Variants in NAALADL2 observed in about 807,000 individuals in gnomAD.
NAALADL2 encodes the protein N-acetylated alpha-linked acidic dipeptidase like 2, also known as inactive N-acetylated-alpha-linked acidic dipeptidase-like protein 2.
NAALADL2 carries 76 observed loss-of-function variants against 87.2 expected under a neutral mutation model. That is an observed-to-expected ratio of 0.87 (90% CI 0.72 to 1.05). The LOEUF (loss-of-function observed/expected upper bound fraction) is 1.05. NAALADL2 is among the 50% of genes least tolerant of loss of function. The pLI is 0.00. For missense variants in NAALADL2, 1,089 were observed against 945.8 expected (o/e 1.15, Z -1.99); for synonymous variants, 354 against 331.0 (o/e 1.07, Z -0.75).
At chr3:175,060,649 A>G (rs1020758428) in intron 1 of NAALADL2, among the ~76,000 whole-genome samples, 1 of 152,250 alleles carries the variant, frequency 6.6e-6, no homozygotes, top group Non-Finnish European at 1.5e-5. Flanking sequence ...ATTAAAGCCA[A>G]TAGCCGTACT....
intron 13 of NAALADL2, among the ~76,000 whole-genome samples, chr3:175,770,049 A>C (rs563261818): frequency 1.3e-4 from 20 of 152,232 alleles, no homozygotes; most frequent in African/African-American, 4.8e-4. Context: ...AATTTCCTTT[A>C]AAGTCAACTG....
chr3:175,298,470 A>T (rs940419174), intron 4 of NAALADL2, among the ~76,000 whole-genome samples: 1 of 152,156 alleles, frequency 6.6e-6, no homozygotes, highest in Non-Finnish European at 1.5e-5. Context: ...AAACTTTGAA[A>T]TGAGAATCTC....
rs188901413 is a variant in NAALADL2 at position 175,038,760 on chromosome 3, C to T, written c.44-58030C>T. Among the ~76,000 whole-genome samples, 181 of 151,984 alleles carry T rather than the reference C, an allele frequency of 1.2e-3. 2 individuals are homozygous for T. Among genetic ancestry groups the T allele is most frequent in the Admixed American group, 0.01 (156 of 15,268 alleles). The stretch of plus-strand genomic sequence containing the variant: ...TTTAGCACGTAATATCTAAATTTTA[C>T]GTGCTGAGGTGGAAGTGGAATTTTC... On this transcript the variant is annotated intron_variant, in intron 1 of 13. Transcript: ENST00000454872.
Position 175,662,196 on chromosome 3 carries a change from C to T in NAALADL2, c.1896+34810C>T, listed in dbSNP as rs141575844. 5.2e-3 allele frequency among the ~76,000 whole-genome samples: 795 copies of T among 151,770 alleles called. 6 individuals carry two copies. Among genetic ancestry groups the T allele is most frequent in the African/African-American group, 0.018 (759 of 41,458 alleles). The stretch of plus-strand genomic sequence containing the variant: ...CAGTCTTTTACAGTTTTCCTTGCAG[C>T]GATCTTTTATTTCCTTGGTTAGATT... On this transcript the variant is annotated intron_variant, in intron 11 of 13. Coordinates refer to ENST00000454872, the MANE Select transcript of NAALADL2 (RefSeq NM_207015.3).
intron 1 of NAALADL2, among the ~76,000 whole-genome samples, chr3:174,487,466 T>C (rs1298830756): frequency 6.6e-6 from 1 of 151,962 alleles, no homozygotes; most frequent in African/African-American, 2.4e-5. Flanking sequence ...GAAGAGGAGA[T>C]TAGTTGAGTC....
In NAALADL2 at chr3:174,834,324, C is replaced by T. The variant is rs1024690569; in HGVS notation, c.-9+96578C>T. On this transcript the variant is annotated intron_variant, in intron 3 of 3. Transcript: ENST00000434257. ...TGTTTTCTCACTCTGAATATGGGCACCTACATAAACCTAGAGTAAACATCA... is the reference window on the plus strand; with the variant it reads ...TGTTTTCTCACTCTGAATATGGGCATCTACATAAACCTAGAGTAAACATCA... Among the ~76,000 whole-genome samples the T allele has an allele frequency of 1.6e-4, 23 of 147,316 alleles. 1 individual carries two copies. In the East Asian group the frequency reaches 4.4e-3, roughly 28 times the overall value.
chr3:175,770,526 CCTTCT>C (rs1362356600), intron 13 of NAALADL2, among the ~76,000 whole-genome samples: 21 of 152,286 alleles, frequency 1.4e-4, no homozygotes, highest in African/African-American at 4.8e-4. Context: ...ATTTGCCTTG[CCTTCT>C]CTTTCTCATC....
intron 1 of NAALADL2, among the ~76,000 whole-genome samples, chr3:174,452,232 C>A (rs774018133): frequency 2.0e-5 from 3 of 152,168 alleles, no homozygotes; most frequent in Non-Finnish European, 2.9e-5. Flanking sequence ...CAGTTGTAAA[C>A]TGTGCTAGGG....
chr3:175,160,267 A>G (rs2108835337), intron 2 of NAALADL2, among the ~76,000 whole-genome samples: 1 of 150,518 alleles, frequency 6.6e-6, no homozygotes, highest in Non-Finnish European at 1.5e-5. Flanking sequence ...TTTTGTTTAA[A>G]TTTGTTTTAC....
chr3:174,670,232 T>G (rs556387116), intron 2 of NAALADL2, among the ~76,000 whole-genome samples: 2 of 152,108 alleles, frequency 1.3e-5, no homozygotes, highest in African/African-American at 4.8e-5. Flanking sequence ...TTTTATTTCT[T>G]TTTTTCTCCT....
At chr3:174,965,336 G>A (rs9845780) in intron 1 of NAALADL2, among the ~76,000 whole-genome samples, 84,036 of 151,972 alleles carry the variant, frequency 0.55, 24,527 homozygotes, top group African/African-American at 0.7. Context: ...TGATGCTTTT[G>A]ATGACTTATT....
intron 1 of NAALADL2, among the ~76,000 whole-genome samples, chr3:174,965,672 G>GA (rs2108581676): frequency 6.6e-6 from 1 of 152,184 alleles, no homozygotes; most frequent in African/African-American, 2.4e-5. Context: ...AGAGGACATG[G>GA]AGGTCCTCAA....
chr3:174,573,709 C>CT (rs528444700), intron 2 of NAALADL2, among the ~76,000 whole-genome samples: 1 of 151,980 alleles, frequency 6.6e-6, no homozygotes, highest in African/African-American at 2.4e-5. Context: ...AGGTGCCACA[C>CT]TTTTTTTAGC....
chr3:175,472,509 T>C (rs916463836), intron 9 of NAALADL2, among the ~76,000 whole-genome samples: 3 of 152,160 alleles, frequency 2.0e-5, no homozygotes, highest in Non-Finnish European at 4.4e-5. Flanking sequence ...TTAGCCTCAA[T>C]GTCTGTTAAT....
intron 1 of NAALADL2, among the ~76,000 whole-genome samples, chr3:174,868,594 G>A (rs1326954894): frequency 6.6e-6 from 1 of 152,012 alleles, no homozygotes; most frequent in Non-Finnish European, 1.5e-5. Flanking sequence ...GAATTTGGGA[G>A]ACACTTGAGG....
chr3:174,973,842 T>C (rs1345143324), intron 1 of NAALADL2, among the ~76,000 whole-genome samples: 1 of 152,224 alleles, frequency 6.6e-6, no homozygotes, highest in Admixed American at 6.5e-5. Context: ...TACAATTTTA[T>C]GGGACCGCCA....
intron 2 of NAALADL2, among the ~76,000 whole-genome samples, chr3:174,571,673 C>T (rs947035620): frequency 6.6e-6 from 1 of 152,196 alleles, no homozygotes. Context: ...GCCACCACTA[C>T]TGACCCATAT....
chr3:175,268,404 T>G (rs1156931064), intron 4 of NAALADL2, among the ~76,000 whole-genome samples: 1 of 152,182 alleles, frequency 6.6e-6, no homozygotes, highest in East Asian at 1.9e-4. Flanking sequence ...GAAGTTGCTC[T>G]AGGTGTCAGT....
At chr3:174,459,770 C>T (rs984154633) in intron 1 of NAALADL2, 2 of 152,122 alleles carry the variant, frequency 1.3e-5, no homozygotes, top group African/African-American at 4.8e-5. Flanking sequence ...CAATGACAGA[C>T]ACCAGTCTTG....
Sources: allele counts gnomAD v4.1 joint callset (sites outside exome capture counted in the v4.1 genomes callset), GRCh38; gene constraint gnomAD v4.1.1; transcripts MANE v1.5; gene names NCBI Gene and HGNC (gene_info 2026-07-23, HGNC 2026-07-21).